The following PLXDC2 variants were observed in gnomAD, a reference collection of about 807,000 sequenced individuals.
PLXDC2 encodes plexin domain-containing protein 2.
A neutral mutation model predicts 68.9 loss-of-function variants in PLXDC2; 40 were observed. That is an observed-to-expected ratio of 0.58 (90% CI 0.45 to 0.76). The LOEUF (loss-of-function observed/expected upper bound fraction) is 0.76. PLXDC2 is among the 30% of genes least tolerant of loss of function. The pLI is 0.00. For missense variants in PLXDC2, 644 were observed against 661.9 expected, an observed-to-expected ratio of 0.97 and a Z score of 0.30; for synonymous variants, 243 against 234.2, an observed-to-expected ratio of 1.04 and a Z score of -0.34.
intron 13 of PLXDC2, among the ~76,000 whole-genome samples, chr10:20,273,881 TA>T (rs1835971244): frequency 1.3e-5 from 2 of 151,910 alleles, no homozygotes; most frequent in African/African-American, 4.8e-5. Flanking sequence ...AATAAAAGTT[TA>T]AAAAATATTA....
intron 4 of PLXDC2, among the ~76,000 whole-genome samples, chr10:20,131,937 G>T (rs1020116024): frequency 1.3e-5 from 2 of 151,534 alleles, no homozygotes; most frequent in Non-Finnish European, 2.9e-5. Flanking sequence ...GTCATATTAG[G>T]TTGCTTTTAT....
chr10:19,948,527 G>T (rs981533907), intron 1 of PLXDC2, among the ~76,000 whole-genome samples: 1 of 151,718 alleles, frequency 6.6e-6, no homozygotes, highest in Non-Finnish European at 1.5e-5. Flanking sequence ...ATGGTGGATG[G>T]TTTTTTTCTA....
intron 1 of PLXDC2, among the ~76,000 whole-genome samples, chr10:19,883,203 C>A (rs1262013959): frequency 6.6e-6 from 1 of 152,088 alleles, no homozygotes; most frequent in Non-Finnish European, 1.5e-5. Context: ...ACCTCATGAT[C>A]CGCCCGCCTT....
intron 13 of PLXDC2, among the ~76,000 whole-genome samples, chr10:20,271,132 G>GACAC (rs55677642): frequency 0.18 from 17,478 of 97,582 alleles, 1,314 homozygotes; most frequent in East Asian, 0.46. Context: ...ACAAAAAACA[G>GACAC]ACACACACAC....
intron 3 of PLXDC2, among the ~76,000 whole-genome samples, chr10:20,059,638 C>A (rs1275227818): frequency 6.6e-6 from 1 of 152,156 alleles, no homozygotes; most frequent in African/African-American, 2.4e-5. Flanking sequence ...AGCCAGTTCT[C>A]TGTTTGTATA....
intron 3 of PLXDC2, among the ~76,000 whole-genome samples, chr10:20,067,665 G>A (rs1160246118): frequency 1.4e-5 from 2 of 147,320 alleles, no homozygotes; most frequent in African/African-American, 5.1e-5. Flanking sequence ...TCCAGCCTGG[G>A]CAAAACAGAG....
intron 9 of PLXDC2, among the ~76,000 whole-genome samples, chr10:20,203,762 A>G: frequency 6.6e-6 from 1 of 152,148 alleles, no homozygotes; most frequent in Non-Finnish European, 1.5e-5. Flanking sequence ...GAAAACCTGC[A>G]CCTCTGCAAG....
rs974491198 is a variant in PLXDC2 at position 20,281,152 on chromosome 10, C to T, written c.*1333C>T. ...ATCCACTTTTTCGTTTATGTCAACC[C>T]CTTCCCTCTCTGGCTAAATAAAGTG... On this transcript the variant is annotated 3_prime_UTR_variant, in exon 14 of 14. Transcript: ENST00000377252. 1 of 152,028 alleles carries T rather than the reference C, an allele frequency of 6.6e-6. No homozygotes were observed. The highest frequency in any genetic ancestry group is 6.6e-5 in the Admixed American group (1 of 15,228). 9.4% of individuals were successfully genotyped at this position (152,028 alleles called of 1,614,324 possible). A position where few individuals can be genotyped will look rare whatever the true frequency, so the allele number is the denominator to read the frequency against.
rs77195035 is a variant in PLXDC2 at position 19,905,950 on chromosome 10, C to G, written c.112+88759C>G. Among the ~76,000 whole-genome samples the G allele has an allele frequency of 6.9e-3, 1,040 of 151,240 alleles. 8 individuals carry two copies. Among genetic ancestry groups the G allele is most frequent in the African/African-American group, 0.024 (999 of 41,230 alleles). ...TTTACAACAAAGATTTACTGTGAAT[C>G]TGTTATATATCTGGGCCCTGTTCTA... On this transcript the variant is annotated intron_variant, in intron 1 of 13. Transcript: ENST00000377252.
At chr10:19,932,564 T>G (rs1430255547) in intron 1 of PLXDC2, among the ~76,000 whole-genome samples, 2 of 152,202 alleles carry the variant, frequency 1.3e-5, no homozygotes, top group African/African-American at 2.4e-5. Context: ...ATTTTCTCAC[T>G]TTGGGATTAT....
chr10:20,134,188 C>T (rs995272082), intron 4 of PLXDC2, among the ~76,000 whole-genome samples: 7 of 152,078 alleles, frequency 4.6e-5, no homozygotes, highest in Admixed American at 2.6e-4. Flanking sequence ...ATTTTCAATT[C>T]TTTGTCAGGC....
chr10:19,865,996 C>T (rs1482205264), intron 1 of PLXDC2, among the ~76,000 whole-genome samples: 1 of 152,112 alleles, frequency 6.6e-6, no homozygotes, highest in African/African-American at 2.4e-5. Context: ...ACACTTTCCC[C>T]CCTCATTTAT....
chr10:20,190,439 A>G (rs1442312177), intron 9 of PLXDC2, among the ~76,000 whole-genome samples: 1 of 151,716 alleles, frequency 6.6e-6, no homozygotes, highest in Non-Finnish European at 1.5e-5. Context: ...ATTTAAAAAC[A>G]AAAGGCAAAG....
At chr10:19,839,513 C>T (rs1836865143) in intron 1 of PLXDC2, among the ~76,000 whole-genome samples, 1 of 152,162 alleles carries the variant, frequency 6.6e-6, no homozygotes, top group African/African-American at 2.4e-5. Flanking sequence ...AAGAACTGGC[C>T]TGGGTTTGAT....
chr10:20,023,939 T>C (rs1835354508), intron 2 of PLXDC2, among the ~76,000 whole-genome samples: 2 of 152,132 alleles, frequency 1.3e-5, no homozygotes. Context: ...ATAACAACAA[T>C]TAAGAACTCT....
At chr10:20,216,534 C>T (rs935186696) in intron 10 of PLXDC2, among the ~76,000 whole-genome samples, 1 of 152,050 alleles carries the variant, frequency 6.6e-6, no homozygotes, top group Admixed American at 6.6e-5. Context: ...AGGGGAAAGG[C>T]ACCTAGCGCT....
intron 1 of PLXDC2, among the ~76,000 whole-genome samples, chr10:19,931,649 C>A (rs1392152954): frequency 6.6e-6 from 1 of 152,152 alleles, no homozygotes; most frequent in Non-Finnish European, 1.5e-5. Context: ...CAGGCCGCTA[C>A]GCTCTGCAGA....
intron 1 of PLXDC2, among the ~76,000 whole-genome samples, chr10:19,820,890 C>T (rs1026692301): frequency 6.6e-6 from 1 of 151,956 alleles, no homozygotes; most frequent in Non-Finnish European, 1.5e-5. Flanking sequence ...CCAGCCTGGC[C>T]AGCATGGTGA....
chr10:20,270,659 C>T (rs72638793), intron 13 of PLXDC2, among the ~76,000 whole-genome samples: 39,011 of 151,784 alleles, frequency 0.26, 5,276 homozygotes, highest in African/African-American at 0.34. Flanking sequence ...ATTCTCCTGC[C>T]TCAAACTCCC....
Sources: allele counts gnomAD v4.1 joint callset (sites outside exome capture counted in the v4.1 genomes callset), GRCh38; gene constraint gnomAD v4.1.1; transcripts MANE v1.5; gene names NCBI Gene and HGNC (gene_info 2026-07-23, HGNC 2026-07-21).